The following MYT1L variants were observed in gnomAD, a reference collection of about 807,000 sequenced individuals.
The protein encoded by MYT1L is myelin transcription factor 1 like.
Under a neutral mutation model 126.7 loss-of-function variants are expected in MYT1L, and 12 were observed. The ratio of observed to expected loss-of-function variants is 0.09; its 90% confidence interval spans 0.06 to 0.15. The LOEUF (loss-of-function observed/expected upper bound fraction) is 0.15, where lower values mean the gene tolerates loss of function less well. Among genes scored for constraint, MYT1L ranks in the 10% least tolerant of loss-of-function variants. The pLI, the probability that MYT1L is intolerant of heterozygous loss-of-function variation, is 1.00. For missense variants in MYT1L, 979 were observed against 1,585.2 expected (o/e 0.62, Z 6.49); for synonymous variants, 541 against 604.2 (o/e 0.90, Z 1.53).
chr2:2,299,117 G>A (rs758822616), intron 1 of MYT1L, among the ~76,000 whole-genome samples: 12 of 152,190 alleles, frequency 7.9e-5, no homozygotes, highest in Non-Finnish European at 1.6e-4. Flanking sequence ...CTCCCAAAGT[G>A]CTGGGATTAC....
intron 21 of MYT1L, among the ~76,000 whole-genome samples, chr2:1,813,859 G>A (rs7425215): frequency 1.3e-5 from 1 of 77,418 alleles, no homozygotes; most frequent in Non-Finnish European, 2.6e-5. Flanking sequence ...AACCCCGTCT[G>A]TACTAGAAAT....
At chr2:2,152,261 G>A (rs546622185) in intron 3 of MYT1L, among the ~76,000 whole-genome samples, 1 of 152,354 alleles carries the variant, frequency 6.6e-6, no homozygotes, top group East Asian at 1.9e-4. Flanking sequence ...TGCACACGCT[G>A]GGCAAGGGAA....
intron 9 of MYT1L, among the ~76,000 whole-genome samples, chr2:1,928,032 C>T (rs1407744947): frequency 6.6e-6 from 1 of 152,184 alleles, no homozygotes; most frequent in Non-Finnish European, 1.5e-5. Flanking sequence ...CAGCTCACTG[C>T]AGCCTCATTC....
At position 1,922,357 on chromosome 2, in the gene MYT1L, C is replaced by T. The variant is rs2053669155; in HGVS notation, c.1412G>A (p.Arg471Lys). Residue 471 changes from arginine (R) to lysine (K), a missense_variant, in exon 10 of 25, where the codon AGA (arginine) becomes AAA (lysine). Transcript: ENST00000647738. This position sits in a 1 kb window ranked among gnomAD's most constrained non-coding sequence, Gnocchi z 7.4. ...CTTTCTGTCCTCCCCGGGAAGTTGTCTCGGAGACTGGTCCTCATATGACCT... is the reference window on the plus strand; with the variant it reads ...CTTTCTGTCCTCCCCGGGAAGTTGTTTCGGAGACTGGTCCTCATATGACCT... ...NMRSYEDQSP[R>K]QLPGEDRKPK... 1.2e-6 allele frequency: 2 copies of T among 1,613,996 alleles called. No individual in the cohort carries two copies. Among genetic ancestry groups the T allele is most frequent in the Middle Eastern group, 1.6e-4 (1 of 6,062 alleles).
chr2:2,273,145 T>C (rs2149353625), intron 2 of MYT1L, among the ~76,000 whole-genome samples: 1 of 152,298 alleles, frequency 6.6e-6, no homozygotes, highest in South Asian at 2.1e-4. Flanking sequence ...AATTCTGGAC[T>C]CTTCCCTGGT....
chr2:2,284,565 A>G (rs1316988154), intron 1 of MYT1L, 62 bp from the exon 2 acceptor site: 1 of 152,204 alleles, frequency 6.6e-6, no homozygotes, highest in Non-Finnish European at 1.5e-5. Flanking sequence ...TCTTGAGTTA[A>G]TGGGAATGGA....
intron 4 of MYT1L, among the ~76,000 whole-genome samples, chr2:2,052,224 T>C (rs1022560555): frequency 1.3e-5 from 2 of 152,178 alleles, no homozygotes; most frequent in Non-Finnish European, 2.9e-5. Flanking sequence ...ACACAGAGTA[T>C]ACCCACATGC....
At chr2:1,955,016 G>A (rs112186869) in intron 8 of MYT1L, among the ~76,000 whole-genome samples, 5 of 152,026 alleles carry the variant, frequency 3.3e-5, no homozygotes, top group East Asian at 3.9e-4. Context: ...GCCGGGCGTC[G>A]TGGCATGCAC....
intron 4 of MYT1L, among the ~76,000 whole-genome samples, chr2:2,022,714 A>C (rs1409944131): frequency 2.6e-5 from 4 of 152,118 alleles, no homozygotes; most frequent in Admixed American, 2.6e-4. Context: ...AAAAAAAAAA[A>C]AAGAAAAGTA....
intron 3 of MYT1L, among the ~76,000 whole-genome samples, chr2:2,155,809 G>A (rs1447541425): frequency 6.6e-6 from 1 of 152,052 alleles, no homozygotes; most frequent in East Asian, 1.9e-4. Context: ...TTTCACCACG[G>A]AGCCATCAAC....
At position 1,979,893 on chromosome 2, in the gene MYT1L, C is replaced by T; in HGVS notation, c.1-116G>A. On this transcript the variant is annotated intron_variant, in intron 5 of 24. Coordinates refer to ENST00000647738, the MANE Select transcript of MYT1L (RefSeq NM_001303052.2). The surrounding 1 kb of genome is among the most constrained non-coding windows in gnomAD (Gnocchi z 4.0). ...ATGGGGCTTTAATCCTGTTTCCCTCCATGAAGGGAAGCCCTCTACAAGGGC... is the reference window on the plus strand; with the variant it reads ...ATGGGGCTTTAATCCTGTTTCCCTCTATGAAGGGAAGCCCTCTACAAGGGC... 9.4e-7 allele frequency: 1 copy of T among 1,061,600 alleles called. No individual in the cohort carries two copies. The highest frequency in any genetic ancestry group is 2.0e-5 in the Admixed American group (1 of 51,188). The allele number at this position is 1,061,600 out of a possible 1,614,324, so 65.8% of individuals were successfully genotyped here.
Position 1,791,218 on chromosome 2 carries a change from G to T in MYT1L, c.*649C>A, listed in dbSNP as rs752029257. 2 of 470,748 alleles carry T rather than the reference G, an allele frequency of 4.2e-6. No individual in the cohort carries two copies. The highest frequency in any genetic ancestry group is 8.8e-6 in the Non-Finnish European group (2 of 226,922). 29.2% of individuals were successfully genotyped at this position (470,748 alleles called of 1,614,324 possible). On this transcript the variant is annotated 3_prime_UTR_variant, in exon 25 of 25. Coordinates refer to ENST00000647738, the MANE Select transcript of MYT1L (RefSeq NM_001303052.2). This position sits in a 1 kb window ranked among gnomAD's most constrained non-coding sequence, Gnocchi z 6.0. ...AGTTAATCCATATGCCATTTCCTTG[G>T]AATGCAAAAAACCTCATTTATTGCC...
intron 2 of MYT1L, among the ~76,000 whole-genome samples, chr2:2,271,815 C>T (rs2095268955): frequency 6.6e-6 from 1 of 152,184 alleles, no homozygotes; most frequent in Admixed American, 6.5e-5. Context: ...GACCTCATTC[C>T]ACCCCAACGA....
At chr2:2,122,144 C>A (rs2081104571) in intron 3 of MYT1L, among the ~76,000 whole-genome samples, 2 of 152,240 alleles carry the variant, frequency 1.3e-5, no homozygotes, top group Non-Finnish European at 2.9e-5. Flanking sequence ...CAATGCCGTG[C>A]AGTCAACTGC....
chr2:2,007,344 G>T (rs2063431891), intron 4 of MYT1L, among the ~76,000 whole-genome samples: 1 of 152,052 alleles, frequency 6.6e-6, no homozygotes, highest in Admixed American at 6.5e-5. Context: ...TTGATTTTTG[G>T]ATAATAGCTG....
intron 5 of MYT1L, among the ~76,000 whole-genome samples, chr2:1,981,340 T>G (rs2060594628): frequency 6.6e-6 from 1 of 151,944 alleles, no homozygotes; most frequent in Admixed American, 6.6e-5. Flanking sequence ...AAACAAAAAC[T>G]TCAGCAAAGG....
intron 10 of MYT1L, among the ~76,000 whole-genome samples, chr2:1,920,769 C>G (rs2053465490): frequency 6.6e-6 from 1 of 152,332 alleles, no homozygotes; most frequent in Admixed American, 6.5e-5. Context: ...TAATTTTAAA[C>G]ATGCATGCTA....
At chr2:2,054,499 G>A (rs908225517) in intron 3 of MYT1L, among the ~76,000 whole-genome samples, 2 of 152,006 alleles carry the variant, frequency 1.3e-5, no homozygotes, top group Non-Finnish European at 2.9e-5. Flanking sequence ...GACACATGGA[G>A]ATAATGAGAC....
At chr2:2,024,334 C>T (rs753405717) in intron 4 of MYT1L, among the ~76,000 whole-genome samples, 1 of 152,156 alleles carries the variant, frequency 6.6e-6, no homozygotes, top group Non-Finnish European at 1.5e-5. Context: ...AACAAAATAA[C>T]ACAGCACCCA....
Sources: allele counts gnomAD v4.1 joint callset (sites outside exome capture counted in the v4.1 genomes callset), GRCh38; gene constraint gnomAD v4.1.1; non-coding constraint Gnocchi (gnomAD v3.1); transcripts MANE v1.5; gene names NCBI Gene and HGNC (gene_info 2026-07-23, HGNC 2026-07-21).